Variants in ORC4 observed in about 807,000 individuals in gnomAD.
ORC4 encodes the protein origin recognition complex, subunit 4 homolog.
In ORC4, 55 loss-of-function variants were observed where a neutral mutation model predicts 63.9. That is an observed-to-expected ratio of 0.86 (90% CI 0.69 to 1.08). The LOEUF is 1.08. Among genes scored for constraint, ORC4 ranks in the 50% least tolerant of loss-of-function variants. ORC4 has a pLI of 0.00. For missense variants in ORC4, 511 were observed against 504.4 expected, an observed-to-expected ratio of 1.01 and a Z score of -0.13; for synonymous variants, 150 against 168.5, an observed-to-expected ratio of 0.89 and a Z score of 0.85.
At chr2:147,969,894 G>A (rs1384942378) in intron 4 of ORC4, among the ~76,000 whole-genome samples, 1 of 151,958 alleles carries the variant, frequency 6.6e-6, no homozygotes, top group Non-Finnish European at 1.5e-5. Flanking sequence ...ATAGAAGTAT[G>A]GAGATAGGGA....
chr2:147,936,396 G>C (rs989435944), intron 13 of ORC4: 7 of 151,344 alleles, frequency 4.6e-5, no homozygotes, highest in African/African-American at 1.7e-4. Context: ...CTTGAGTGTT[G>C]TGTTAGGTAC....
rs1166240490 is a variant in ORC4, at chr2:147,931,958, G to A, written c.*3552C>T. On this transcript the variant is annotated 3_prime_UTR_variant, in exon 14 of 14. Transcript: ENST00000392857. Reference sequence around the variant, plus strand: ...CATAGTGTTGGAAGTTCTGGCCAGGGCAATTAGGCAGGAGAAGGAAATAAA... The same window carrying A: ...CATAGTGTTGGAAGTTCTGGCCAGGACAATTAGGCAGGAGAAGGAAATAAA... 6.6e-6 allele frequency: 1 copy of A among 151,946 alleles called. No individual in the cohort carries two copies. Among genetic ancestry groups the A allele is most frequent in the Non-Finnish European group, 1.5e-5 (1 of 67,982 alleles). The allele number at this position is 151,946 out of a possible 1,614,324, so 9.4% of individuals were successfully genotyped here.
At chr2:147,949,908 T>C (rs1688858615) in intron 8 of ORC4, among the ~76,000 whole-genome samples, 1 of 152,110 alleles carries the variant, frequency 6.6e-6, no homozygotes, top group South Asian at 2.1e-4. Context: ...AGCCCAGAAA[T>C]ATACATCTCC....
At position 148,010,848 on chromosome 2, in the gene ORC4, C is replaced by CTTTT. The variant is rs201359357; in HGVS notation, c.-18+9781_-18+9784dup. Among the ~76,000 whole-genome samples the CTTTT allele has an allele frequency of 2.7e-3, 266 of 98,532 alleles. 2 individuals are homozygous for CTTTT. The highest frequency in any genetic ancestry group is 6.5e-3 in the Middle Eastern group (1 of 154). The allele number at this position is 98,532 out of a possible 152,430, so 64.6% of individuals were successfully genotyped here. A position where few individuals can be genotyped will look rare whatever the true frequency, so the allele number is the denominator to read the frequency against. ...TTCATTTTATGAGGCCAGATTTATT[C>CTTTT]TTTTTTTTTTTTTTTTTTTTTTTGA... On this transcript the variant is annotated intron_variant, in intron 1 of 13. Transcript: ENST00000392857.
chr2:147,958,402 A>T lies in ORC4; in HGVS notation c.302-19T>A, dbSNP rs1447486057. 6.4e-7 allele frequency: 1 copy of T among 1,563,036 alleles called. No homozygotes were observed. The highest frequency in any genetic ancestry group is 8.8e-7 in the Non-Finnish European group (1 of 1,135,174). On this transcript the variant is annotated intron_variant, in intron 5 of 13. Transcript: ENST00000392857. ...AGCAGTCCTAAAATAAAGTCCATTTAAAAGTATTTAATTAAAATTAAACAT... is the reference window on the plus strand; with the variant it reads ...AGCAGTCCTAAAATAAAGTCCATTTTAAAGTATTTAATTAAAATTAAACAT...
intron 1 of ORC4, among the ~76,000 whole-genome samples, chr2:148,003,596 C>T (rs910718326): frequency 5.3e-5 from 8 of 152,068 alleles, no homozygotes; most frequent in East Asian, 3.9e-4. Context: ...AACTAAGAAT[C>T]GATAGAACGT....
rs1218684009 is a variant in ORC4 at position 147,948,199 on chromosome 2, CT to C, written c.613del (p.Arg205GlufsTer2). On this transcript the variant is annotated frameshift_variant, in exon 9 of 14. Transcript: ENST00000392857. LOFTEE classifies it high-confidence loss of function. ...RLDILELLEKRVKSRFSHRQI... is the reference protein window; with the variant it reads ...RLDILELLEKXVKSRFSHRQI... ...CCGGTGAGAAAATCTTGACTTCACT[CT>C]TTTTTCTAAGAGTTCCAAAATATCC... is the stretch of plus-strand genomic sequence containing the variant. The C allele has an allele frequency of 6.2e-7, 1 of 1,608,762 alleles. No homozygotes were observed. Among genetic ancestry groups the C allele is most frequent in the Admixed American group, 1.7e-5 (1 of 59,762 alleles).
At chr2:147,966,563 C>T (rs1361943712) in intron 4 of ORC4, among the ~76,000 whole-genome samples, 1 of 152,068 alleles carries the variant, frequency 6.6e-6, no homozygotes, top group Non-Finnish European at 1.5e-5. Context: ...TCATTAGGGA[C>T]TACTATGAAG....
intron 4 of ORC4, among the ~76,000 whole-genome samples, chr2:147,969,771 T>C (rs1690103125): frequency 6.6e-6 from 1 of 152,038 alleles, no homozygotes; most frequent in Admixed American, 6.5e-5. Flanking sequence ...TATTCTTTAG[T>C]GAACAATACC....
chr2:148,013,259 T>C (rs1693083220), intron 1 of ORC4, among the ~76,000 whole-genome samples: 1 of 151,546 alleles, frequency 6.6e-6, no homozygotes, highest in South Asian at 2.1e-4. Context: ...AAAAAAAAAA[T>C]GAAATCCTGT....
rs552836037 is a variant in ORC4, at chr2:147,950,385, T to TTC, written c.588+1987_588+1988insGA. ...AACCAAAAAACAAAAATGGAATTAC[T>TTC]CCCAATGGGGAAGAAGATGCTTGCT... On this transcript the variant is annotated intron_variant, in intron 8 of 13. Transcript: ENST00000392857. Among the ~76,000 whole-genome samples the TTC allele has an allele frequency of 8.3e-4, 126 of 152,242 alleles. 1 individual carries two copies. Among genetic ancestry groups the TTC allele is most frequent in the African/African-American group, 2.5e-3 (103 of 41,538 alleles).
intron 8 of ORC4, among the ~76,000 whole-genome samples, chr2:147,950,450 T>G (rs574894481): frequency 6.6e-6 from 1 of 152,280 alleles, no homozygotes; most frequent in South Asian, 2.1e-4. Context: ...GTTCTCTCCC[T>G]ATAAACGTGG....
At chr2:148,003,919 T>C (rs1302220137) in intron 1 of ORC4, among the ~76,000 whole-genome samples, 1 of 152,320 alleles carries the variant, frequency 6.6e-6, no homozygotes, top group Non-Finnish European at 1.5e-5. Context: ...AGTGTCAGGA[T>C]ACAAAATCAA....
At chr2:147,967,039 G>A (rs886752241) in intron 4 of ORC4, among the ~76,000 whole-genome samples, 2 of 151,934 alleles carry the variant, frequency 1.3e-5, no homozygotes, top group Admixed American at 6.6e-5. Context: ...TTTAATATAC[G>A]CAAATCAATA....
chr2:147,997,614 G>C (rs1480748927), intron 1 of ORC4, among the ~76,000 whole-genome samples: 1 of 152,000 alleles, frequency 6.6e-6, no homozygotes, highest in Non-Finnish European at 1.5e-5. Flanking sequence ...TCTTCTCAAA[G>C]TACATGACAA....
At chr2:147,976,698 T>G (rs1329712199) in intron 1 of ORC4, among the ~76,000 whole-genome samples, 1 of 152,132 alleles carries the variant, frequency 6.6e-6, no homozygotes, top group African/African-American at 2.4e-5. Context: ...CATTACAGAC[T>G]AGGTTAAATG....
In ORC4 at chr2:147,972,827, T is replaced by C. The variant is rs1280914748; in HGVS notation, c.137A>G (p.His46Arg). ...AGTTCTTTTCAGCAGCTCACTTAAG[T>C]GTCTAAAATGATATAAATAGGACAA... ...NLFGVQVQYKHLSELLKRTAL... is the reference protein window; with the variant it reads ...NLFGVQVQYKRLSELLKRTAL... Residue 46 changes from histidine (H) to arginine (R), a missense_variant and splice_region_variant, in exon 4 of 14, where the codon CAC becomes CGC. Transcript: ENST00000392857. 6.3e-7 allele frequency: 1 copy of C among 1,598,124 alleles called. No individual in the cohort carries two copies. The highest frequency in any genetic ancestry group is 1.1e-5 in the South Asian group (1 of 90,704).
Position 147,942,514 on chromosome 2 carries a change from G to A in ORC4, c.849+922C>T, listed in dbSNP as rs184166787. On this transcript the variant is annotated intron_variant, in intron 10 of 13. Coordinates refer to ENST00000392857, the MANE Select transcript of ORC4 (RefSeq NM_181741.4). ...AAAGAGAAACATGGTCATGCGAAAC[G>A]ATCGAGAATAAGCATTTGACAAAAT... Among the ~76,000 whole-genome samples, 5 of 152,134 alleles carry A rather than the reference G, an allele frequency of 3.3e-5. No homozygotes were observed. The East Asian group carries it at 5.8e-4, about 18-fold the overall frequency.
chr2:148,001,765 AC>A (rs1212998059), intron 1 of ORC4, among the ~76,000 whole-genome samples: 1 of 152,160 alleles, frequency 6.6e-6, no homozygotes, highest in Non-Finnish European at 1.5e-5. Context: ...AACAATATTA[AC>A]CTTAAATGTA....
Sources: gnomAD v4.1 joint callset for allele counts (sites outside exome capture counted in the v4.1 genomes callset) on GRCh38, gnomAD v4.1.1 for gene constraint, MANE v1.5 for transcripts, NCBI Gene and HGNC (gene_info 2026-07-23, HGNC 2026-07-21) for gene names.